Variants in NALF1 observed in about 807,000 individuals in gnomAD.
NALF1 encodes the protein family with sequence similarity 155 member A.
A neutral mutation model predicts 48.4 loss-of-function variants in NALF1; 3 were observed. That is an observed-to-expected ratio of 0.06 (90% CI 0.03 to 0.16). NALF1 has a LOEUF of 0.16. Among genes scored for constraint, NALF1 ranks in the 10% least tolerant of loss-of-function variants. The probability of loss-of-function intolerance (pLI) is 1.00; values close to 1 mark genes in which losing one functional copy is unlikely to be tolerated. For missense variants in NALF1, 526 were observed against 571.5 expected (o/e 0.92, Z 0.81); for synonymous variants, 262 against 245.7 (o/e 1.07, Z -0.62).
intron 1 of NALF1, among the ~76,000 whole-genome samples, chr13:107,525,885 T>C (rs1876417009): frequency 6.6e-6 from 1 of 152,172 alleles, no homozygotes; most frequent in Non-Finnish European, 1.5e-5. Flanking sequence ...TGCATTTTTG[T>C]AATGGCTAAT....
chr13:107,448,303 T>G (rs948586400), intron 1 of NALF1, among the ~76,000 whole-genome samples: 6 of 152,206 alleles, frequency 3.9e-5, no homozygotes, highest in African/African-American at 1.2e-4. Context: ...ATCCTGCAGA[T>G]ATATTAAAGA....
intron 1 of NALF1, among the ~76,000 whole-genome samples, chr13:107,562,516 T>C (rs1002376062): frequency 6.6e-6 from 1 of 152,190 alleles, no homozygotes; most frequent in Non-Finnish European, 1.5e-5. Context: ...TCTGTGAAGA[T>C]ACCTGATATC....
At chr13:107,559,624 T>C (rs1045564739) in intron 1 of NALF1, among the ~76,000 whole-genome samples, 1 of 152,104 alleles carries the variant, frequency 6.6e-6, no homozygotes, top group Non-Finnish European at 1.5e-5. Context: ...CTCATCAGGA[T>C]AGACATTTCT....
At chr13:107,221,028 G>T (rs1399262733) in intron 1 of NALF1, among the ~76,000 whole-genome samples, 1 of 152,110 alleles carries the variant, frequency 6.6e-6, no homozygotes, top group Non-Finnish European at 1.5e-5. Context: ...ACTCAGGAAT[G>T]AAAAACCAAA....
chr13:107,804,654 G>T (rs886655521), intron 1 of NALF1, among the ~76,000 whole-genome samples: 1 of 152,036 alleles, frequency 6.6e-6, no homozygotes, highest in Non-Finnish European at 1.5e-5. Flanking sequence ...GAGAATATCG[G>T]CACACTGTCA....
chr13:107,780,964 G>A (rs1236224831), intron 1 of NALF1, among the ~76,000 whole-genome samples: 1 of 152,022 alleles, frequency 6.6e-6, no homozygotes, highest in Non-Finnish European at 1.5e-5. Context: ...TATTGCTGAT[G>A]GCATTTTAGA....
chr13:107,234,869 C>T (rs1164583617), intron 1 of NALF1, among the ~76,000 whole-genome samples: 2 of 152,084 alleles, frequency 1.3e-5, no homozygotes, highest in Admixed American at 6.5e-5. Flanking sequence ...ACACAGAATC[C>T]CTTCCTAACA....
At chr13:107,233,232 A>G (rs903328961) in intron 1 of NALF1, among the ~76,000 whole-genome samples, 7 of 152,228 alleles carry the variant, frequency 4.6e-5, no homozygotes, top group Admixed American at 3.3e-4. Context: ...GAACACTCAT[A>G]TCAGAAAAAT....
chr13:107,303,737 ATTTTT>A (rs1000162131), intron 1 of NALF1, among the ~76,000 whole-genome samples: 1 of 151,718 alleles, frequency 6.6e-6, no homozygotes, highest in Non-Finnish European at 1.5e-5. Flanking sequence ...CTTCAAGAAA[ATTTTT>A]TTTTAATCTC....
At chr13:107,232,052 T>C (rs1024157384) in intron 1 of NALF1, among the ~76,000 whole-genome samples, 2 of 152,188 alleles carry the variant, frequency 1.3e-5, no homozygotes, top group Non-Finnish European at 2.9e-5. Flanking sequence ...GATCAAGCAC[T>C]TGCATCTATA....
chr13:107,799,300 C>CAGCT (rs1246189402), intron 1 of NALF1, among the ~76,000 whole-genome samples: 2 of 152,196 alleles, frequency 1.3e-5, no homozygotes, highest in African/African-American at 4.8e-5. Context: ...GCCCTGTTTA[C>CAGCT]AGCTCCTTTT....
At chr13:107,225,246 T>C (rs1449089852) in intron 1 of NALF1, among the ~76,000 whole-genome samples, 2 of 152,262 alleles carry the variant, frequency 1.3e-5, no homozygotes, top group African/African-American at 4.8e-5. Context: ...TGACCTCAGG[T>C]GATCCACCCG....
chr13:107,578,173 T>C (rs1197923140), intron 1 of NALF1, among the ~76,000 whole-genome samples: 1 of 152,188 alleles, frequency 6.6e-6, no homozygotes, highest in African/African-American at 2.4e-5. Flanking sequence ...TTATTTGCTG[T>C]TGTCATTCCG....
intron 1 of NALF1, among the ~76,000 whole-genome samples, chr13:107,658,940 G>A (rs531915232): frequency 1.4e-4 from 21 of 152,100 alleles, no homozygotes; most frequent in African/African-American, 4.3e-4. Context: ...AAATGTGACC[G>A]CTTCTCCAGA....
intron 1 of NALF1, among the ~76,000 whole-genome samples, chr13:107,557,983 T>C (rs1223882330): frequency 1.3e-5 from 2 of 152,168 alleles, no homozygotes; most frequent in South Asian, 2.1e-4. Context: ...GTTGTGCTGA[T>C]TGTTCATACT....
At chr13:107,352,931 G>A (rs1422436910) in intron 1 of NALF1, among the ~76,000 whole-genome samples, 1 of 152,074 alleles carries the variant, frequency 6.6e-6, no homozygotes, top group African/African-American at 2.4e-5. Flanking sequence ...TTAATCTCCA[G>A]AGAAGAAGAG....
intron 1 of NALF1, among the ~76,000 whole-genome samples, chr13:107,710,799 A>G (rs191850833): frequency 1.8e-5 from 2 of 108,752 alleles, no homozygotes; most frequent in East Asian, 6.2e-4. Flanking sequence ...ACATATATGT[A>G]TATATACATA....
chr13:107,188,352 A>G (rs1179126216), intron 2 of NALF1, among the ~76,000 whole-genome samples: 4 of 152,154 alleles, frequency 2.6e-5, no homozygotes, highest in Non-Finnish European at 4.4e-5. Context: ...TAATCTCTAG[A>G]GAATTTGCTA....
intron 1 of NALF1, among the ~76,000 whole-genome samples, chr13:107,260,961 C>A (rs1207300324): frequency 6.6e-6 from 1 of 152,140 alleles, no homozygotes; most frequent in Admixed American, 6.5e-5. Flanking sequence ...CTTTTCTTTT[C>A]TGTCACATTT....
Sources: allele counts gnomAD v4.1 joint callset (sites outside exome capture counted in the v4.1 genomes callset), GRCh38; gene constraint gnomAD v4.1.1; transcripts MANE v1.5; gene names NCBI Gene and HGNC (gene_info 2026-07-23, HGNC 2026-07-21).